The following RHD variants were observed in gnomAD, a reference collection of about 807,000 sequenced individuals.
The protein encoded by RHD is Rh blood group D antigen, also known as blood group Rh(D) polypeptide.
A neutral mutation model predicts 45.5 loss-of-function variants in RHD; 16 were observed. The observed-to-expected ratio is 0.35, with a 90% confidence interval of 0.24 to 0.53. RHD has a LOEUF of 0.53. Among genes scored for constraint, RHD ranks in the 20% least tolerant of loss-of-function variants. The pLI, the probability that RHD is intolerant of heterozygous loss-of-function variation, is 0.92. For missense variants in RHD, 306 were observed against 532.0 expected (o/e 0.58, Z 4.18); for synonymous variants, 131 against 217.5 (o/e 0.60, Z 3.50).
intron 1 of RHD, among the ~76,000 whole-genome samples, chr1:25,278,102 G>C (rs28694522): frequency 0.015 from 1,990 of 130,112 alleles, 288 homozygotes; most frequent in African/African-American, 0.049. Flanking sequence ...AATGACTACT[G>C]GTCTGGATGA....
At chr1:25,276,532 TAA>T (rs557746335) in intron 1 of RHD, among the ~76,000 whole-genome samples, 14,709 of 64,750 alleles carry the variant, frequency 0.23, 2,815 homozygotes, top group Admixed American at 0.29. Flanking sequence ...CCCCCATCTC[TAA>T]AAAAAAAAAA....
chr1:25,287,938 G>A lies in RHD; in HGVS notation c.336-2703G>A, dbSNP rs181952145. Reference sequence around the variant, plus strand: ...GGGTTTCACCAGGTGGGTCAGGTTGGTCTGGAACTCCCGACCTCAAGTGAT... The same window carrying A: ...GGGTTTCACCAGGTGGGTCAGGTTGATCTGGAACTCCCGACCTCAAGTGAT... On this transcript the variant is annotated intron_variant, in intron 2 of 9. Transcript: ENST00000328664. Among the ~76,000 whole-genome samples the A allele has an allele frequency of 2.0e-4, 27 of 132,212 alleles. 5 individuals are homozygous for A. The highest frequency in any genetic ancestry group is 4.8e-4 in the Non-Finnish European group (27 of 55,764). The allele number at this position is 132,212 out of a possible 152,430, so 86.7% of individuals were successfully genotyped here.
chr1:25,282,073 C>T lies in RHD; in HGVS notation c.149-2500C>T, dbSNP rs986616207. Among the ~76,000 whole-genome samples, 30 of 131,430 alleles carry T rather than the reference C, an allele frequency of 2.3e-4. 10 individuals are homozygous for T. Among genetic ancestry groups the T allele is most frequent in the Non-Finnish European group, 3.4e-4 (19 of 55,522 alleles). The allele number at this position is 131,430 out of a possible 152,430, so 86.2% of individuals were successfully genotyped here. A position where few individuals can be genotyped will look rare whatever the true frequency, so the allele number is the denominator to read the frequency against. ...TGATGAACAGTCACTATTTATTGAGCGTTCTCCATGTGCCAGTCACTGTAC... is the reference window on the plus strand; with the variant it reads ...TGATGAACAGTCACTATTTATTGAGTGTTCTCCATGTGCCAGTCACTGTAC... On this transcript the variant is annotated intron_variant, in intron 1 of 9. Coordinates refer to ENST00000328664, the MANE Select transcript of RHD (RefSeq NM_016124.6).
Position 25,303,171 on chromosome 1 carries a change from T to G in RHD, c.802-151T>G. 4 of 893,694 alleles carry G rather than the reference T, an allele frequency of 4.5e-6. 1 individual carries two copies. The highest frequency in any genetic ancestry group is 7.1e-6 in the Non-Finnish European group (4 of 564,142). The allele number at this position is 893,694 out of a possible 1,614,324, so 55.4% of individuals were successfully genotyped here. ...ATCATGTCCACTGATGAAGGACACG[T>G]AGCCCCAACACAGGGGAGAAGTGGT... On this transcript the variant is annotated intron_variant, in intron 5 of 9. Coordinates refer to ENST00000328664, the MANE Select transcript of RHD (RefSeq NM_016124.6).
chr1:25,320,900 T>C (rs1644661812), intron 8 of RHD, among the ~76,000 whole-genome samples: 1 of 130,282 alleles, frequency 7.7e-6, no homozygotes. Context: ...AAAACTGAGC[T>C]GGATATGGTA....
chr1:25,307,470 A>G lies in RHD; in HGVS notation c.1073+741A>G, dbSNP rs1251793483. Among the ~76,000 whole-genome samples the G allele has an allele frequency of 1.1e-4, 14 of 132,990 alleles. 1 individual carries two copies. Among genetic ancestry groups the G allele is most frequent in the Admixed American group, 7.3e-4 (10 of 13,750 alleles). 87.2% of individuals were successfully genotyped at this position (132,990 alleles called of 152,430 possible). ...GATAGATTTTTAGAGATGAACTGGTAGCATGATGATAATCATATTCACTGA... is the reference window on the plus strand; with the variant it reads ...GATAGATTTTTAGAGATGAACTGGTGGCATGATGATAATCATATTCACTGA... On this transcript the variant is annotated intron_variant, in intron 7 of 9. Transcript: ENST00000328664.
chr1:25,318,708 A>G (rs530135021), intron 8 of RHD, among the ~76,000 whole-genome samples: 3 of 133,262 alleles, frequency 2.3e-5, no homozygotes, highest in African/African-American at 7.6e-5. Flanking sequence ...AATGCCAAAT[A>G]AGAGACAAAT....
At position 25,318,762 on chromosome 1, in the gene RHD, T is replaced by C. The variant is rs1185721062; in HGVS notation, c.1153+1683T>C. Among the ~76,000 whole-genome samples, 5 of 132,530 alleles carry C rather than the reference T, an allele frequency of 3.8e-5. 1 individual carries two copies. Among genetic ancestry groups the C allele is most frequent in the South Asian group, 2.3e-4 (1 of 4,364 alleles). 86.9% of individuals were successfully genotyped at this position (132,530 alleles called of 152,430 possible). ...TTGTGTGACGTTGGGCATGTCACTT[T>C]ACTCCCTCTGAGCCTTGGTTAGCTT... On this transcript the variant is annotated intron_variant, in intron 8 of 9. Coordinates refer to ENST00000328664, the MANE Select transcript of RHD (RefSeq NM_016124.6).
intron 8 of RHD, 117 bp from the exon 9 acceptor site, chr1:25,321,772 G>A: frequency 1.9e-6 from 1 of 517,950 alleles, no homozygotes; most frequent in Admixed American, 2.8e-5. Flanking sequence ...TTCAATTGTG[G>A]GAGAAAAAGG....
chr1:25,315,511 T>C (rs2124085359), intron 7 of RHD, among the ~76,000 whole-genome samples: 2 of 124,610 alleles, frequency 1.6e-5, no homozygotes, highest in East Asian at 3.9e-4. Flanking sequence ...CTTTTTTTTT[T>C]TTTGAGATGG....
chr1:25,291,914 G>T lies in RHD; in HGVS notation c.486+1123G>T, dbSNP rs1457870741. 6.0e-5 allele frequency among the ~76,000 whole-genome samples: 8 copies of T among 132,510 alleles called. 1 individual carries two copies. Among genetic ancestry groups the T allele is most frequent in the Admixed American group, 2.2e-4 (3 of 13,612 alleles). 86.9% of individuals were successfully genotyped at this position (132,510 alleles called of 152,430 possible). On this transcript the variant is annotated intron_variant, in intron 3 of 9. Transcript: ENST00000328664. ...TGATGCCTGGAGAGGGGAAGGGACT[G>T]CCCAAGATCACATAGCAAGATAGTG...
Position 25,276,378 on chromosome 1 carries a change from GT to G in RHD, c.148+3687del, listed in dbSNP as rs1216691151. On this transcript the variant is annotated intron_variant, in intron 1 of 9. Coordinates refer to ENST00000328664, the MANE Select transcript of RHD (RefSeq NM_016124.6). ...GTAGGGTCATCGTGCTGTTCTCTCT[GT>G]TTTCGTATATGCTTTAAAAGTTCTG... 2.5e-5 allele frequency among the ~76,000 whole-genome samples: 3 copies of G among 120,034 alleles called. 1 individual carries two copies. The highest frequency in any genetic ancestry group is 8.8e-5 in the African/African-American group (3 of 34,136). 78.7% of individuals were successfully genotyped at this position (120,034 alleles called of 152,430 possible). A position where few individuals can be genotyped will look rare whatever the true frequency, so the allele number is the denominator to read the frequency against.
rs771978266 is a variant in RHD at position 25,300,928 on chromosome 1, T to C, written c.487-18T>C. 2 of 1,376,734 alleles carry C rather than the reference T, an allele frequency of 1.5e-6. No homozygotes were observed. Among genetic ancestry groups the C allele is most frequent in the South Asian group, 2.4e-5 (2 of 84,880 alleles). 85.3% of individuals were successfully genotyped at this position (1,376,734 alleles called of 1,614,324 possible). A position where few individuals can be genotyped will look rare whatever the true frequency, so the allele number is the denominator to read the frequency against. On this transcript the variant is annotated intron_variant, in intron 3 of 9. Transcript: ENST00000328664. ...AGAGGATGCCGACACTCACTGCTCT[T>C]ACTGGGTTTTATTGCAGACAGACTA...
chr1:25,324,540 A>G (rs1212631481), intron 9 of RHD, among the ~76,000 whole-genome samples: 1 of 152,072 alleles, frequency 6.6e-6, no homozygotes, highest in Non-Finnish European at 1.5e-5. Flanking sequence ...GGGTTATTTT[A>G]AAGATCAAGT....
In RHD at chr1:25,297,884, C is replaced by T. The variant is rs1221917187; in HGVS notation, c.487-3062C>T. On this transcript the variant is annotated intron_variant, in intron 3 of 9. Transcript: ENST00000328664. ...GAACCTCCAAGGGCAGGAGGTGCTG[C>T]CAGACTCAGGAGGGCACTAGAACTG... Among the ~76,000 whole-genome samples the T allele has an allele frequency of 4.6e-5, 6 of 131,716 alleles. 2 individuals carry two copies. The highest frequency in any genetic ancestry group is 1.6e-4 in the African/African-American group (6 of 38,298). 86.4% of individuals were successfully genotyped at this position (131,716 alleles called of 152,430 possible).
rs1644382871 is a variant in RHD, at chr1:25,315,338, A to G, written c.1074-1662A>G. Among the ~76,000 whole-genome samples, 2 of 129,376 alleles carry G rather than the reference A, an allele frequency of 1.5e-5. 1 individual carries two copies. The highest frequency in any genetic ancestry group is 3.6e-5 in the Non-Finnish European group (2 of 55,110). 84.9% of individuals were successfully genotyped at this position (129,376 alleles called of 152,430 possible). A position where few individuals can be genotyped will look rare whatever the true frequency, so the allele number is the denominator to read the frequency against. On this transcript the variant is annotated intron_variant, in intron 7 of 9. Transcript: ENST00000328664. ...CTGGGGAGGAAGCAAACTATTGAAG[A>G]TATACAAAGATGGCAAAGATGAGGG...
At position 25,330,294 on chromosome 1, in the gene RHD, TA is replaced by T. The variant is rs1240404089; in HGVS notation, c.*1373del. ...TGAACTCCATTGCTTAAGAAACACA[TA>T]AACACCATTTAGTCACTGAACATAG... On this transcript the variant is annotated 3_prime_UTR_variant, in exon 10 of 10. Transcript: ENST00000328664. 7.5e-6 allele frequency: 1 copy of T among 133,260 alleles called. No individual in the cohort carries two copies. The highest frequency in any genetic ancestry group is 2.6e-5 in the African/African-American group (1 of 39,072). The allele number at this position is 133,260 out of a possible 1,614,324, so 8.3% of individuals were successfully genotyped here.
At chr1:25,301,184 C>T (rs1643360474) in intron 4 of RHD, 91 bp downstream of exon 4, 1 of 1,158,908 alleles carries the variant, frequency 8.6e-7, no homozygotes, top group Admixed American at 1.8e-5. Flanking sequence ...CCTCCTTTAC[C>T]AAGTTCCCCT....
At position 25,321,674 on chromosome 1, in the gene RHD, TAAATAAAATAAAATA is replaced by T. The variant is rs56928540; in HGVS notation, c.1154-194_1154-180del. ...GATAGAGTGAGACTCTGTCTCAAAA[TAAATAAAATAAAATA>T]AAATAAAATAAAATAAAATAGGCTA... On this transcript the variant is annotated intron_variant, in intron 8 of 9. Coordinates refer to ENST00000328664, the MANE Select transcript of RHD (RefSeq NM_016124.6). Among the ~76,000 whole-genome samples, 156 of 91,300 alleles carry T rather than the reference TAAATAAAATAAAATA, an allele frequency of 1.7e-3. 17 individuals carry two copies. Among genetic ancestry groups the T allele is most frequent in the African/African-American group, 4.6e-3 (141 of 30,758 alleles). 59.9% of individuals were successfully genotyped at this position (91,300 alleles called of 152,430 possible).
Sources: gnomAD v4.1 joint callset for allele counts (sites outside exome capture counted in the v4.1 genomes callset) on GRCh38, gnomAD v4.1.1 for gene constraint, MANE v1.5 for transcripts, NCBI Gene and HGNC (gene_info 2026-07-23, HGNC 2026-07-21) for gene names.